Variants in COL14A1 observed in about 807,000 individuals in gnomAD.
COL14A1 encodes the protein collagen alpha-1(XIV) chain.
A neutral mutation model predicts 230.3 loss-of-function variants in COL14A1; 136 were observed. That is an observed-to-expected ratio of 0.59 (90% CI 0.51 to 0.68). The LOEUF (loss-of-function observed/expected upper bound fraction) is 0.68, where lower values mean the gene tolerates loss of function less well. COL14A1 is among the 30% of genes least tolerant of loss of function. COL14A1 has a pLI of 0.00. For missense variants in COL14A1, 1,976 were observed against 2,215.8 expected, an observed-to-expected ratio of 0.89 and a Z score of 2.17; for synonymous variants, 792 against 784.1, an observed-to-expected ratio of 1.01 and a Z score of -0.17.
Position 120,369,492 on chromosome 8 carries a change from G to T in COL14A1, c.5311+7G>T, listed in dbSNP as rs532711544. On this transcript the variant is annotated splice_region_variant and intron_variant, in intron 47 of 47. Coordinates refer to ENST00000297848, the MANE Select transcript of COL14A1 (RefSeq NM_021110.4). ...TCTGCCTATGGTGTGAGAGGTAAGT[G>T]TCACAAAAAGCCCCGCTTGTGGGCT... 2 of 1,541,830 alleles carry T rather than the reference G, an allele frequency of 1.3e-6. No individual in the cohort carries two copies. Among genetic ancestry groups the T allele is most frequent in the East Asian group, 4.8e-5 (2 of 41,382 alleles).
chr8:120,207,035 G>A lies in COL14A1; in HGVS notation c.1132G>A (p.Gly378Arg). 1 of 1,613,748 alleles carries A rather than the reference G, an allele frequency of 6.2e-7. No homozygotes were observed. The change falls in exon 10 of 48, where the codon GGA (glycine) becomes AGA (arginine). Residue 378 changes from glycine to arginine, a missense_variant. Around this residue, in one of 3 missense-constraint regions of COL14A1, gnomAD observed 1,791 missense variants for 2,019.5 expected, o/e 0.89. Transcript: ENST00000297848. ...SFMVNWTHAP[G>R]NVEKYRVVYY... ...TATGGTTAACTGGACTCATGCCCCA[G>A]GAAATGTGGAAAAATACAGAGTTGT... is the stretch of plus-strand genomic sequence containing the variant.
chr8:120,219,146 G>T (rs1817852618), intron 14 of COL14A1, among the ~76,000 whole-genome samples: 1 of 151,910 alleles, frequency 6.6e-6, no homozygotes, highest in Non-Finnish European at 1.5e-5. Context: ...TTAGAGACGG[G>T]GTCTCTGTTG....
chr8:120,349,206 A>G (rs1389829918), intron 45 of COL14A1, among the ~76,000 whole-genome samples: 1 of 151,618 alleles, frequency 6.6e-6, no homozygotes, highest in Non-Finnish European at 1.5e-5. Flanking sequence ...TAACAAACAG[A>G]AAGGACATCC....
intron 3 of COL14A1, among the ~76,000 whole-genome samples, chr8:120,158,543 A>G (rs2130523871): frequency 6.6e-6 from 1 of 152,338 alleles, no homozygotes; most frequent in Admixed American, 6.5e-5. Flanking sequence ...TATACAATGC[A>G]CCTGAATGTC....
Position 120,226,785 on chromosome 8 carries a change from A to G in COL14A1, c.2004+19A>G. On this transcript the variant is annotated intron_variant, in intron 16 of 47. Transcript: ENST00000297848. ...TGAGGAGGTGAGTTTTCTGAAACAG[A>G]CTGAAAATTAATCTGGAGCATTAGT... 1 of 1,609,800 alleles carries G rather than the reference A, an allele frequency of 6.2e-7. No homozygotes were observed. The highest frequency in any genetic ancestry group is 8.5e-7 in the Non-Finnish European group (1 of 1,177,156).
At chr8:120,342,873 T>C (rs529586038) in intron 44 of COL14A1, among the ~76,000 whole-genome samples, 1 of 152,360 alleles carries the variant, frequency 6.6e-6, no homozygotes, top group Admixed American at 6.5e-5. Flanking sequence ...TTTAAATGAA[T>C]ATTTCCTTCT....
chr8:120,316,175 C>A (rs1821223527), intron 40 of COL14A1, among the ~76,000 whole-genome samples, 178 bp downstream of exon 40: 2 of 152,194 alleles, frequency 1.3e-5, no homozygotes, highest in African/African-American at 4.8e-5. Context: ...CTTCTATGTT[C>A]ATTACTTCGT....
chr8:120,155,267 G>A (rs1437046909), intron 2 of COL14A1, among the ~76,000 whole-genome samples: 3 of 152,144 alleles, frequency 2.0e-5, no homozygotes, highest in Admixed American at 6.5e-5. Flanking sequence ...GGATTTGGTC[G>A]TTGCATTTGC....
intron 1 of COL14A1, among the ~76,000 whole-genome samples, chr8:120,142,097 C>T (rs567311798): frequency 1.3e-5 from 2 of 151,944 alleles, no homozygotes; most frequent in South Asian, 2.1e-4. Context: ...AAAAGACAAA[C>T]GTGGCCTGTT....
rs192389158 is a variant in COL14A1, at chr8:120,205,834, G to A, written c.1040-1109G>A. Among the ~76,000 whole-genome samples, 33 of 152,292 alleles carry A rather than the reference G, an allele frequency of 2.2e-4. No homozygotes were observed. In the East Asian group the frequency reaches 5.6e-3, roughly 26 times the overall value. On this transcript the variant is annotated intron_variant, in intron 9 of 47. Transcript: ENST00000297848. Reference sequence around the variant, plus strand: ...TTCAAAACAGTATTTTAAAAATTGAGATTATTAAAGTCCCTTTGAGTAAGT... The same window carrying A: ...TTCAAAACAGTATTTTAAAAATTGAAATTATTAAAGTCCCTTTGAGTAAGT...
chr8:120,286,897 T>C (rs932146735), intron 33 of COL14A1, among the ~76,000 whole-genome samples: 1 of 152,190 alleles, frequency 6.6e-6, no homozygotes, highest in Non-Finnish European at 1.5e-5. Context: ...GTGGTGATCA[T>C]TGGGGTGGAC....
At chr8:120,188,026 A>T (rs1460536739) in intron 5 of COL14A1, among the ~76,000 whole-genome samples, 2 of 151,758 alleles carry the variant, frequency 1.3e-5, no homozygotes, top group African/African-American at 2.4e-5. Flanking sequence ...TAGTAATGGT[A>T]CCTGTTCCAT....
At chr8:120,342,157 C>G (rs1470337361) in intron 43 of COL14A1, among the ~76,000 whole-genome samples, 1 of 152,148 alleles carries the variant, frequency 6.6e-6, no homozygotes, top group Non-Finnish European at 1.5e-5. Context: ...GAAATACTTA[C>G]TAGTGCTTGT....
chr8:120,228,133 CAG>C (rs1818154381), intron 17 of COL14A1, among the ~76,000 whole-genome samples: 1 of 152,100 alleles, frequency 6.6e-6, no homozygotes, highest in Non-Finnish European at 1.5e-5. Context: ...CATTCCCTGA[CAG>C]AGGCCATGAA....
chr8:120,238,641 G>A (rs1308040849), intron 19 of COL14A1, among the ~76,000 whole-genome samples: 1 of 152,150 alleles, frequency 6.6e-6, no homozygotes, highest in Non-Finnish European at 1.5e-5. Flanking sequence ...GGCATTCCAG[G>A]CATCATGGGG....
intron 45 of COL14A1, among the ~76,000 whole-genome samples, chr8:120,349,914 A>C (rs1822681886): frequency 6.9e-6 from 1 of 145,500 alleles, no homozygotes; most frequent in Non-Finnish European, 1.5e-5. Flanking sequence ...CGAGAAGAGC[A>C]ACTCCAAGAC....
chr8:120,138,215 TC>T (rs923845012), intron 1 of COL14A1, among the ~76,000 whole-genome samples: 3 of 152,212 alleles, frequency 2.0e-5, no homozygotes, highest in Non-Finnish European at 4.4e-5. Context: ...GCTGAAATCT[TC>T]AACTTTGCTT....
intron 21 of COL14A1, among the ~76,000 whole-genome samples, chr8:120,247,946 T>TA (rs776678221): frequency 2.0e-5 from 3 of 152,098 alleles, no homozygotes; most frequent in Admixed American, 2.0e-4. Context: ...TGACATCACA[T>TA]AAAAAACTAC....
Position 120,278,531 on chromosome 8 carries a change from G to C in COL14A1, c.3434G>C (p.Arg1145Thr), listed in dbSNP as rs267601752. 6.2e-7 allele frequency: 1 copy of C among 1,613,070 alleles called. No individual in the cohort carries two copies. Among genetic ancestry groups the C allele is most frequent in the Non-Finnish European group, 8.5e-7 (1 of 1,179,440 alleles). Reference sequence around the variant, plus strand: ...GTTATCGTGGTTATAACTGATGGAAGATCACAAGATGATGTGAACAAAATC... The same window carrying C: ...GTTATCGTGGTTATAACTGATGGAACATCACAAGATGATGTGAACAAAATC... ...PKVIVVITDG[R>T]SQDDVNKISR... Residue 1145 changes from arginine (R) to threonine (T), a missense_variant, in exon 28 of 48, where the codon AGA becomes ACA. By Grantham distance (71) the Arg-to-Thr change is moderately conservative. Transcript: ENST00000297848.
Sources: allele counts gnomAD v4.1 joint callset (sites outside exome capture counted in the v4.1 genomes callset), GRCh38; gene constraint gnomAD v4.1.1; regional missense constraint gnomAD v4.1.1; transcripts MANE v1.5; gene names NCBI Gene and HGNC (gene_info 2026-07-23, HGNC 2026-07-21).